GPBP1L1: variants seen among roughly 807,000 people sequenced by gnomAD.
GPBP1L1 encodes GC-rich promoter binding protein 1 like 1.
GPBP1L1 carries 23 observed loss-of-function variants against 52.5 expected under a neutral mutation model. That is an observed-to-expected ratio of 0.44 (90% CI 0.32 to 0.62). The LOEUF (loss-of-function observed/expected upper bound fraction) is 0.62. Among genes scored for constraint, GPBP1L1 ranks in the 20% least tolerant of loss-of-function variants. The probability of loss-of-function intolerance (pLI) is 0.06; values close to 1 mark genes in which losing one functional copy is unlikely to be tolerated. For synonymous variants in GPBP1L1, 243 were observed against 203.1 expected (o/e 1.20, Z -1.67); for missense variants, 596 against 579.3 (o/e 1.03, Z -0.30).
intron 2 of GPBP1L1, among the ~76,000 whole-genome samples, chr1:45,666,974 T>G (rs1158315615): frequency 1.3e-5 from 2 of 152,196 alleles, no homozygotes; most frequent in Non-Finnish European, 2.9e-5. Flanking sequence ...ATTATTCCAC[T>G]TATATGAAAC....
intron 2 of GPBP1L1, among the ~76,000 whole-genome samples, chr1:45,668,770 C>T (rs186813693): frequency 1.1e-4 from 17 of 152,260 alleles, no homozygotes; most frequent in African/African-American, 4.1e-4. Context: ...ACTTGAAAAA[C>T]TTCACCAGCC....
intron 6 of GPBP1L1, chr1:45,651,280 A>G: frequency 2.5e-6 from 1 of 398,128 alleles, no homozygotes; most frequent in Non-Finnish European, 4.9e-6. Context: ...TCCCCTTGAT[A>G]ATGCAGTAAG....
intron 2 of GPBP1L1, among the ~76,000 whole-genome samples, chr1:45,662,995 G>A (rs1436595153): frequency 7.2e-6 from 1 of 138,418 alleles, no homozygotes; most frequent in Non-Finnish European, 1.5e-5. Flanking sequence ...AGGTTACAGT[G>A]AGCCGAGATC....
chr1:45,658,364 C>T (rs565711972), intron 4 of GPBP1L1, among the ~76,000 whole-genome samples: 1 of 152,214 alleles, frequency 6.6e-6, no homozygotes, highest in East Asian at 1.9e-4. Flanking sequence ...TTGACCTCCA[C>T]AATAGGTTAG....
chr1:45,630,179 G>C (rs1644512098), intron 11 of GPBP1L1, among the ~76,000 whole-genome samples: 1 of 152,160 alleles, frequency 6.6e-6, no homozygotes, highest in East Asian at 1.9e-4. Context: ...TCAAACTCTT[G>C]ACCTTGACTG....
rs765563927 is a variant in GPBP1L1, at chr1:45,685,624, CA to C, written c.-1142-5del. 4 of 152,120 alleles carry C rather than the reference CA, an allele frequency of 2.6e-5. No homozygotes were observed. The highest frequency in any genetic ancestry group is 1.3e-4 in the Admixed American group (2 of 15,264). 9.4% of individuals were successfully genotyped at this position (152,120 alleles called of 1,614,324 possible). A position where few individuals can be genotyped will look rare whatever the true frequency, so the allele number is the denominator to read the frequency against. On this transcript the variant is annotated splice_polypyrimidine_tract_variant and splice_region_variant and intron_variant, in intron 1 of 12. Transcript: ENST00000355105. ...AGAGTTAAAGGTGAGACACCAACTG[CA>C]AAAAACCAAAATATCAAAAGATTCA...
At chr1:45,640,100 A>G (rs969124985) in intron 8 of GPBP1L1, 110 bp downstream of exon 8, 1 of 779,404 alleles carries the variant, frequency 1.3e-6, no homozygotes. Context: ...CAGGTACTGA[A>G]AGAATATCTG....
intron 2 of GPBP1L1, among the ~76,000 whole-genome samples, chr1:45,682,191 C>A (rs939387347): frequency 2.0e-5 from 3 of 152,266 alleles, no homozygotes; most frequent in Admixed American, 1.3e-4. Flanking sequence ...AACTAAACAG[C>A]CCCAAAACCA....
Position 45,628,395 on chromosome 1 carries a change from C to T in GPBP1L1, c.1286G>A (p.Gly429Asp). Residue 429 changes from glycine (G) to aspartate (D), a missense_variant, in exon 13 of 13, where the codon GGC becomes GAC. Gly to Asp is a moderately conservative substitution (Grantham distance 94). Transcript: ENST00000355105. ...CTGCAAGAAGCCATTCTTTCCAAAG[C>T]CATTTCTTCTCAGCTATGGTTAGCA... ...HMKTEQLRRN[G>D]FGKNGFLQSR... is the part of the protein sequence containing the mutation. 6.2e-7 allele frequency: 1 copy of T among 1,613,502 alleles called. No individual in the cohort carries two copies. Among genetic ancestry groups the T allele is most frequent in the East Asian group, 2.2e-5 (1 of 44,856 alleles).
Position 45,680,401 on chromosome 1 carries a change from G to T in GPBP1L1, c.-1098+5175C>A, listed in dbSNP as rs1284305180. Among the ~76,000 whole-genome samples the T allele has an allele frequency of 2.0e-5, 3 of 151,850 alleles. No homozygotes were observed. The East Asian group carries it at 5.8e-4, about 29-fold the overall frequency. On this transcript the variant is annotated intron_variant, in intron 2 of 12. Coordinates refer to ENST00000355105, the MANE Select transcript of GPBP1L1 (RefSeq NM_021639.5). Reference sequence around the variant, plus strand: ...TTACAGACATTCACCACCATGCCCGGCTAATTTTTGTATTTTTAGTAGAGA... The same window carrying T: ...TTACAGACATTCACCACCATGCCCGTCTAATTTTTGTATTTTTAGTAGAGA...
chr1:45,683,542 T>G (rs951444367), intron 2 of GPBP1L1, among the ~76,000 whole-genome samples: 1 of 150,390 alleles, frequency 6.6e-6, no homozygotes, highest in South Asian at 2.1e-4. Context: ...GATGAATCTC[T>G]GGACTCCTTT....
At chr1:45,664,732 G>C (rs1033518753) in intron 2 of GPBP1L1, among the ~76,000 whole-genome samples, 7 of 151,972 alleles carry the variant, frequency 4.6e-5, no homozygotes, top group Non-Finnish European at 8.8e-5. Flanking sequence ...CTGGAGTGCA[G>C]TGGCATGACC....
At chr1:45,644,477 T>A (rs535048534) in intron 6 of GPBP1L1, among the ~76,000 whole-genome samples, 5 of 152,194 alleles carry the variant, frequency 3.3e-5, no homozygotes, top group Admixed American at 2.0e-4. Flanking sequence ...CAACATAACA[T>A]TACCAGACAA....
chr1:45,672,343 C>CA (rs57589371), intron 2 of GPBP1L1, among the ~76,000 whole-genome samples: 6,120 of 105,438 alleles, frequency 0.058, 168 homozygotes, highest in Non-Finnish European at 0.084. Context: ...GCCCAGGCGA[C>CA]AAAAAAAAAA....
At chr1:45,650,424 C>CA (rs1271355134) in intron 6 of GPBP1L1, among the ~76,000 whole-genome samples, 3 of 151,998 alleles carry the variant, frequency 2.0e-5, no homozygotes, top group Admixed American at 6.5e-5. Context: ...TCATGTACTT[C>CA]AAAAAAGCAA....
chr1:45,685,785 A>ATC (rs1396992087), intron 1 of GPBP1L1, among the ~76,000 whole-genome samples, 165 bp from the exon 2 acceptor site: 1 of 152,082 alleles, frequency 6.6e-6, no homozygotes, highest in African/African-American at 2.4e-5. Flanking sequence ...GGTTGGGGAG[A>ATC]ACTAGATTTA....
In GPBP1L1 at chr1:45,661,054, C is replaced by T. The variant is rs1260668122; in HGVS notation, c.-926G>A. Reference sequence around the variant, plus strand: ...AAATATAGGTCCAAAATGAGGATTTCTTCTCTTCAGTTTTCTGTGTTTCAC... The same window carrying T: ...AAATATAGGTCCAAAATGAGGATTTTTTCTCTTCAGTTTTCTGTGTTTCAC... On this transcript the variant is annotated 5_prime_UTR_variant, in exon 3 of 13. Transcript: ENST00000355105. 2 of 152,144 alleles carry T rather than the reference C, an allele frequency of 1.3e-5. No individual in the cohort carries two copies. Among genetic ancestry groups the T allele is most frequent in the African/African-American group, 2.4e-5 (1 of 41,438 alleles). The allele number at this position is 152,144 out of a possible 1,614,324, so 9.4% of individuals were successfully genotyped here.
At position 45,660,186 on chromosome 1, in the gene GPBP1L1, C is replaced by A. The variant is rs542273223; in HGVS notation, c.-58G>T. On this transcript the variant is annotated splice_region_variant and 5_prime_UTR_variant, in exon 3 of 13. Coordinates refer to ENST00000355105, the MANE Select transcript of GPBP1L1 (RefSeq NM_021639.5). Reference sequence around the variant, plus strand: ...TTAGACATATGGAGAATATTTACCCCAGAGTGTAACCTCTGTGGTCCTGTT... The same window carrying A: ...TTAGACATATGGAGAATATTTACCCAAGAGTGTAACCTCTGTGGTCCTGTT... 5 of 985,116 alleles carry A rather than the reference C, an allele frequency of 5.1e-6. No homozygotes were observed. The African/African-American group carries it at 8.7e-5, about 17-fold the overall frequency. The allele number at this position is 985,116 out of a possible 1,614,324, so 61.0% of individuals were successfully genotyped here. A position where few individuals can be genotyped will look rare whatever the true frequency, so the allele number is the denominator to read the frequency against.
chr1:45,628,866 A>G (rs1644492398), intron 12 of GPBP1L1, among the ~76,000 whole-genome samples: 1 of 152,088 alleles, frequency 6.6e-6, no homozygotes, highest in African/African-American at 2.4e-5. Flanking sequence ...GCTTCACCAT[A>G]TTGGCCAGTA....
Sources: allele counts gnomAD v4.1 joint callset (sites outside exome capture counted in the v4.1 genomes callset), GRCh38; gene constraint gnomAD v4.1.1; transcripts MANE v1.5; gene names NCBI Gene and HGNC (gene_info 2026-07-23, HGNC 2026-07-21).